Variants in DIP2A observed in about 807,000 individuals in gnomAD.
The protein encoded by DIP2A is DIP2 acetate--CoA ligase A.
Under a neutral mutation model 177.4 loss-of-function variants are expected in DIP2A, and 85 were observed. The ratio of observed to expected loss-of-function variants is 0.48; its 90% CI spans 0.40 to 0.57. The LOEUF is 0.57. DIP2A is among the 20% of genes least tolerant of loss of function. DIP2A has a pLI of 0.00. For synonymous variants in DIP2A, 886 were observed against 881.8 expected (o/e 1.00, Z -0.08); for missense variants, 1,791 against 2,100.2 (o/e 0.85, Z 2.88).
rs576187168 is a variant in DIP2A, at chr21:46,550,404, C to A, written c.2638-139C>A. ...CACACTTCTCTTCATCTTGTTTCCT[C>A]ATTTAACAAAGTGTCCAGAGGGCAT... On this transcript the variant is annotated intron_variant, in intron 22 of 37. Coordinates refer to ENST00000417564, the MANE Select transcript of DIP2A (RefSeq NM_015151.4). 2.7e-5 allele frequency: 21 copies of A among 767,204 alleles called. 1 individual carries two copies. The South Asian group carries it at 3.3e-4, about 12-fold the overall frequency. The allele number at this position is 767,204 out of a possible 1,614,324, so 47.5% of individuals were successfully genotyped here.
chr21:46,549,906 T>C, intron 22 of DIP2A, 21 bp downstream of exon 22: 1 of 1,607,694 alleles, frequency 6.2e-7, no homozygotes. Flanking sequence ...CGGCACGGCC[T>C]ATGGTTCGGT....
chr21:46,538,684 A>G (rs2059674793), intron 16 of DIP2A, 82 bp downstream of exon 16: 9 of 1,500,960 alleles, frequency 6.0e-6, no homozygotes, highest in Non-Finnish European at 8.0e-6. Flanking sequence ...GAGAAGCAAA[A>G]TGGAGGCATT....
the DIP2A span, among the ~76,000 whole-genome samples, chr21:46,583,644 G>T: frequency 6.6e-6 from 1 of 152,178 alleles, no homozygotes; most frequent in African/African-American, 2.4e-5. Flanking sequence ...GGTCATGAGG[G>T]TTATGTGCTC....
At chr21:46,494,614 T>C (rs1228760084) in intron 3 of DIP2A, among the ~76,000 whole-genome samples, 3 of 152,262 alleles carry the variant, frequency 2.0e-5, no homozygotes, top group African/African-American at 7.2e-5. Flanking sequence ...AAAGTCAAGA[T>C]GAATATTTAA....
chr21:46,541,099 T>C (rs2059798984), intron 17 of DIP2A, among the ~76,000 whole-genome samples: 1 of 152,182 alleles, frequency 6.6e-6, no homozygotes, highest in South Asian at 2.1e-4. Flanking sequence ...TATAAATTAT[T>C]CTTCATTCTT....
chr21:46,576,222 C>G, the DIP2A span, among the ~76,000 whole-genome samples: 2 of 152,300 alleles, frequency 1.3e-5, no homozygotes, highest in African/African-American at 4.8e-5. Context: ...CACCTATCAA[C>G]CAATCACCTA....
intron 3 of DIP2A, among the ~76,000 whole-genome samples, chr21:46,492,198 A>C (rs1282654427): frequency 6.6e-6 from 1 of 152,002 alleles, no homozygotes; most frequent in African/African-American, 2.4e-5. Context: ...TCAAAAGTTT[A>C]CTTTTTTGCA....
intron 34 of DIP2A, 106 bp downstream of exon 34, chr21:46,561,911 C>T (rs1400955115): frequency 5.9e-6 from 9 of 1,520,280 alleles, no homozygotes; most frequent in Admixed American, 4.4e-5. Context: ...GAACACAGGT[C>T]GACTTCTGGT....
At chr21:46,528,469 TATATGCACACATATGTACATATAC>T (rs369064159) in intron 8 of DIP2A, among the ~76,000 whole-genome samples, 4,456 of 149,334 alleles carry the variant, frequency 0.03, 125 homozygotes, top group South Asian at 0.081. Flanking sequence ...TAGCTGTATA[TATATGCACACATATGTACATATAC>T]ATATGTATAC....
At chr21:46,577,974 T>C in the DIP2A span, among the ~76,000 whole-genome samples, 1 of 152,358 alleles carries the variant, frequency 6.6e-6, no homozygotes, top group African/African-American at 2.4e-5. Flanking sequence ...CTTTTGCACA[T>C]TGATTTTGTA....
chr21:46,546,088 G>A (rs1359883848), intron 20 of DIP2A, 127 bp downstream of exon 20: 1 of 1,531,280 alleles, frequency 6.5e-7, no homozygotes, highest in Non-Finnish European at 8.8e-7. Flanking sequence ...TTGGTCGGTG[G>A]CGCTGACCTC....
intron 8 of DIP2A, 24 bp downstream of exon 8, chr21:46,511,638 G>T (rs926773793): frequency 1.3e-6 from 2 of 1,506,626 alleles, no homozygotes; most frequent in African/African-American, 1.4e-5. Flanking sequence ...GAAAGCAGTT[G>T]TGCTTCTGGG....
chr21:46,468,261 C>CAAAAA (rs1207842729), intron 1 of DIP2A, among the ~76,000 whole-genome samples: 3 of 87,834 alleles, frequency 3.4e-5, no homozygotes, highest in Non-Finnish European at 6.3e-5. Context: ...GAGACTGTCT[C>CAAAAA]AAAAAAAAAA....
chr21:46,551,940 C>T (rs1347212510), intron 25 of DIP2A, 36 bp downstream of exon 25: 2 of 1,561,324 alleles, frequency 1.3e-6, no homozygotes, highest in Non-Finnish European at 1.7e-6. Flanking sequence ...CTTGGAAACA[C>T]CTGTGGGCCG....
Position 46,558,219 on chromosome 21 carries a change from G to T in DIP2A, c.3799-4G>T, listed in dbSNP as rs768193782. On this transcript the variant is annotated splice_polypyrimidine_tract_variant and splice_region_variant and intron_variant, in intron 31 of 37. Coordinates refer to ENST00000417564, the MANE Select transcript of DIP2A (RefSeq NM_015151.4). ...CGTGGCCTGACCGCTCACCCCTCCCGCAGATGAAGGGGGTGAACCTGTCAT... is the reference window on the plus strand; with the variant it reads ...CGTGGCCTGACCGCTCACCCCTCCCTCAGATGAAGGGGGTGAACCTGTCAT... 3.7e-6 allele frequency: 6 copies of T among 1,607,370 alleles called. No individual in the cohort carries two copies. Among genetic ancestry groups the T allele is most frequent in the Non-Finnish European group, 4.2e-6 (5 of 1,177,058 alleles).
At chr21:46,550,402 C>T in intron 22 of DIP2A, 141 bp from the exon 23 acceptor site, 1 of 757,136 alleles carries the variant, frequency 1.3e-6, no homozygotes. Flanking sequence ...ATCTTGTTTC[C>T]TCATTTAACA....
At chr21:46,529,365 T>C (rs755070200) in intron 9 of DIP2A, among the ~76,000 whole-genome samples, 182 bp downstream of exon 9, 14 of 152,164 alleles carry the variant, frequency 9.2e-5, no homozygotes, top group Non-Finnish European at 1.8e-4. Flanking sequence ...TTTGGGAGGC[T>C]GTGGTGAGCG....
intron 4 of DIP2A, among the ~76,000 whole-genome samples, 157 bp downstream of exon 4, chr21:46,497,264 T>C (rs1173990729): frequency 6.6e-6 from 1 of 152,242 alleles, no homozygotes; most frequent in East Asian, 1.9e-4. Context: ...CTCGTATTCC[T>C]TACCTGAAAA....
At chr21:46,555,526 C>A (rs1159084852) in intron 28 of DIP2A, 1 of 205,202 alleles carries the variant, frequency 4.9e-6, no homozygotes, top group Non-Finnish European at 1.0e-5. Flanking sequence ...AGCCTGTGTC[C>A]AGTTGCACCC....
Sources: allele counts gnomAD v4.1 joint callset (sites outside exome capture counted in the v4.1 genomes callset), GRCh38; gene constraint gnomAD v4.1.1; transcripts MANE v1.5; gene names NCBI Gene and HGNC (gene_info 2026-07-23, HGNC 2026-07-21).